The following UNKL variants were observed in gnomAD, a reference collection of about 807,000 sequenced individuals.
The protein encoded by UNKL is unk like zinc finger, also known as putative E3 ubiquitin-protein ligase UNKL.
A neutral mutation model predicts 78.0 loss-of-function variants in UNKL; 60 were observed. That is an observed-to-expected ratio of 0.77 (90% confidence interval 0.63 to 0.95). The LOEUF is 0.95. UNKL is among the 40% of genes least tolerant of loss of function. UNKL has a pLI of 0.00. For missense variants in UNKL, 1,159 were observed against 1,045.7 expected, an observed-to-expected ratio of 1.11 and a Z score of -1.49; for synonymous variants, 608 against 474.8, an observed-to-expected ratio of 1.28 and a Z score of -3.65.
At chr16:1,373,016 A>T (rs1352929105) in intron 10 of UNKL, among the ~76,000 whole-genome samples, 1 of 7,188 alleles carries the variant, frequency 1.4e-4, no homozygotes, top group African/African-American at 1.5e-3. Context: ...ACTGCCGGCC[A>T]ACACCGCAGA....
intron 9 of UNKL, among the ~76,000 whole-genome samples, chr16:1,386,502 C>T (rs540229720): frequency 5.9e-5 from 9 of 152,066 alleles, no homozygotes; most frequent in Middle Eastern, 3.4e-3. Flanking sequence ...TGTGGTGAGC[C>T]GAGATCGCAC....
At chr16:1,390,534 C>CTGCCCTAACGCGA (rs2037003934) in intron 9 of UNKL, 98 bp downstream of exon 9, 3 of 1,322,350 alleles carry the variant, frequency 2.3e-6, no homozygotes, top group African/African-American at 2.9e-5. Context: ...TGCATGAGCG[C>CTGCCCTAACGCGA]TGCCCTAACG....
intron 8 of UNKL, among the ~76,000 whole-genome samples, chr16:1,390,933 G>A (rs1185625344): frequency 1.3e-5 from 2 of 152,132 alleles, no homozygotes; most frequent in South Asian, 4.1e-4. Flanking sequence ...GAGAGGCTGA[G>A]GCAAGAAAAT....
At chr16:1,414,106 C>G (rs2142315382) in intron 1 of UNKL, 51 bp from the exon 2 acceptor site, 2 of 1,495,584 alleles carry the variant, frequency 1.3e-6, no homozygotes, top group East Asian at 5.0e-5. Flanking sequence ...CCTCCAGGGA[C>G]TCGGACTCGT....
At chr16:1,370,109 A>G (rs1373465745) in intron 12 of UNKL, 21 bp downstream of exon 12, 1 of 1,539,420 alleles carries the variant, frequency 6.5e-7, no homozygotes, top group Non-Finnish European at 8.8e-7. Flanking sequence ...CAACGCCAGC[A>G]TGGAGGGAGC....
chr16:1,371,323 AGGT>A (rs1490828756), intron 11 of UNKL, among the ~76,000 whole-genome samples, 193 bp downstream of exon 11: 9 of 152,084 alleles, frequency 5.9e-5, no homozygotes, highest in Non-Finnish European at 1.3e-4. Flanking sequence ...GAGGAGGAGG[AGGT>A]ACCGCCAGAA....
chr16:1,375,437 G>A (rs75672665), intron 10 of UNKL, among the ~76,000 whole-genome samples: 1 of 152,234 alleles, frequency 6.6e-6, no homozygotes, highest in South Asian at 2.1e-4. Context: ...AGCCGTGAGG[G>A]AATTTCCGGG....
intron 6 of UNKL, chr16:1,395,918 A>G: frequency 1.6e-5 from 6 of 385,972 alleles, no homozygotes; most frequent in Non-Finnish European, 3.2e-5. Flanking sequence ...GGTCCTTCCC[A>G]GCCCCTGCAC....
intron 5 of UNKL, chr16:1,398,347 G>A (rs1388214631): frequency 4.4e-5 from 45 of 1,016,988 alleles, no homozygotes; most frequent in Non-Finnish European, 5.0e-5. Flanking sequence ...TGTATTTATG[G>A]GACACATTAA....
chr16:1,380,694 A>G (rs1274525448), intron 10 of UNKL, among the ~76,000 whole-genome samples: 20 of 5,822 alleles, frequency 3.4e-3, no homozygotes, highest in Non-Finnish European at 8.8e-3. Context: ...TTTTTTTTTG[A>G]GAACAAGTCT....
chr16:1,398,628 C>T, intron 5 of UNKL: 10 of 1,435,952 alleles, frequency 7.0e-6, no homozygotes, highest in Non-Finnish European at 9.1e-6. Flanking sequence ...CAGACAGGGC[C>T]TCAGGGAGGC....
intron 10 of UNKL, chr16:1,383,585 AAG>A (rs1392460964): frequency 5.6e-6 from 2 of 359,766 alleles, no homozygotes; most frequent in Non-Finnish European, 5.8e-6. Flanking sequence ...GGCCGCTGGG[AAG>A]AGTCTCTCTC....
chr16:1,402,858 G>A (rs1246942297), intron 3 of UNKL, among the ~76,000 whole-genome samples: 17 of 151,730 alleles, frequency 1.1e-4, no homozygotes. Flanking sequence ...TGGGCGTGGT[G>A]GTGGTCACCT....
In UNKL at chr16:1,385,195, G is replaced by A. The variant is rs2036761653; in HGVS notation, c.1264+13C>T. ...AGGAGGTCAGGGAGAAAGGAGGACGGTGCTGGACTTACCGAGGACGGCCTC... is the reference window on the plus strand; with the variant it reads ...AGGAGGTCAGGGAGAAAGGAGGACGATGCTGGACTTACCGAGGACGGCCTC... On this transcript the variant is annotated intron_variant, in intron 10 of 14. Coordinates refer to ENST00000389221, the MANE Select transcript of UNKL (RefSeq NM_001372107.1). 7.8e-7 allele frequency: 1 copy of A among 1,279,274 alleles called. No individual in the cohort carries two copies. The highest frequency in any genetic ancestry group is 9.9e-7 in the Non-Finnish European group (1 of 1,013,582). The allele number at this position is 1,279,274 out of a possible 1,614,324, so 79.2% of individuals were successfully genotyped here.
intron 6 of UNKL, chr16:1,395,565 T>G: frequency 2.5e-6 from 1 of 405,250 alleles, no homozygotes; most frequent in Non-Finnish European, 5.1e-6. Flanking sequence ...CACCTTCTAG[T>G]GGAGGCACAG....
chr16:1,392,786 A>G (rs543782875), intron 8 of UNKL, 105 bp downstream of exon 8: 23 of 1,342,966 alleles, frequency 1.7e-5, no homozygotes, highest in Non-Finnish European at 2.3e-5. Context: ...AACTCCACAG[A>G]CTGCCCACGA....
chr16:1,375,417 T>C (rs1051430510), intron 10 of UNKL, among the ~76,000 whole-genome samples: 5 of 152,252 alleles, frequency 3.3e-5, no homozygotes, highest in African/African-American at 9.6e-5. Flanking sequence ...TCAACCCTCG[T>C]CCACACGCCA....
At chr16:1,388,640 G>A (rs186653616) in intron 9 of UNKL, among the ~76,000 whole-genome samples, 5 of 152,262 alleles carry the variant, frequency 3.3e-5, no homozygotes, top group East Asian at 1.9e-4. Flanking sequence ...CACAGATGAC[G>A]GGCCTGGTGT....
intron 4 of UNKL, among the ~76,000 whole-genome samples, chr16:1,401,146 C>A (rs1181796389): frequency 1.3e-5 from 2 of 152,146 alleles, no homozygotes; most frequent in African/African-American, 2.4e-5. Flanking sequence ...GAGCACCACC[C>A]CAGAGAGGCG....
Sources: allele counts gnomAD v4.1 joint callset (sites outside exome capture counted in the v4.1 genomes callset), GRCh38; gene constraint gnomAD v4.1.1; transcripts MANE v1.5; gene names NCBI Gene and HGNC (gene_info 2026-07-23, HGNC 2026-07-21).